The following ROBO1 variants were observed in gnomAD, a reference collection of about 807,000 sequenced individuals.
The protein encoded by ROBO1 is roundabout guidance receptor 1.
In ROBO1, 149 loss-of-function variants were observed where a neutral mutation model predicts 195.9. That is an observed-to-expected ratio of 0.76 (90% CI 0.67 to 0.87). The LOEUF (loss-of-function observed/expected upper bound fraction) is 0.87. ROBO1 is among the 40% of genes least tolerant of loss of function. The probability of loss-of-function intolerance (pLI) is 0.00; values close to 1 mark genes in which losing one functional copy is unlikely to be tolerated. For missense variants in ROBO1, 1,933 were observed against 2,068.3 expected (o/e 0.93, Z 1.27); for synonymous variants, 816 against 733.2 (o/e 1.11, Z -1.82).
chr3:79,200,399 T>C (rs368932163), intron 2 of ROBO1, among the ~76,000 whole-genome samples: 204 of 151,924 alleles, frequency 1.3e-3, no homozygotes, highest in Non-Finnish European at 2.4e-3. Flanking sequence ...ATTTAGAGAA[T>C]TTCATTTCAG....
intron 7 of ROBO1, among the ~76,000 whole-genome samples, chr3:78,716,263 C>T (rs960466909): frequency 1.4e-4 from 21 of 151,782 alleles, no homozygotes; most frequent in African/African-American, 3.4e-4. Context: ...AAGAAATACC[C>T]GAAACTGGGT....
chr3:79,012,821 C>G (rs1443888396), intron 3 of ROBO1, among the ~76,000 whole-genome samples: 3 of 152,078 alleles, frequency 2.0e-5, no homozygotes, highest in African/African-American at 4.8e-5. Context: ...CAGTGGAGAT[C>G]AAAGCTATCT....
intron 2 of ROBO1, among the ~76,000 whole-genome samples, chr3:79,211,569 A>C (rs2081966340): frequency 6.6e-6 from 1 of 152,180 alleles, no homozygotes; most frequent in South Asian, 2.1e-4. Flanking sequence ...ACTAAGAGGG[A>C]AAACATTATT....
intron 2 of ROBO1, among the ~76,000 whole-genome samples, chr3:79,462,441 AT>A (rs1252055071): frequency 1.3e-5 from 2 of 152,232 alleles, no homozygotes; most frequent in East Asian, 3.8e-4. Flanking sequence ...ATTTTAAGAA[AT>A]CATTGTTTGC....
intron 5 of ROBO1, among the ~76,000 whole-genome samples, chr3:78,736,919 C>A (rs891253534): frequency 2.6e-5 from 4 of 152,090 alleles, no homozygotes; most frequent in Admixed American, 6.6e-5. Context: ...CTTTCTTAAC[C>A]AGTACTTTGC....
intron 3 of ROBO1, among the ~76,000 whole-genome samples, chr3:78,952,814 T>C (rs1361408633): frequency 6.6e-6 from 1 of 152,072 alleles, no homozygotes; most frequent in African/African-American, 2.4e-5. Flanking sequence ...TCAGCTACTT[T>C]ATTTTATTCT....
At chr3:78,617,591 A>C in intron 27 of ROBO1, 44 bp downstream of exon 27, 1 of 1,550,554 alleles carries the variant, frequency 6.4e-7, no homozygotes, top group Middle Eastern at 1.8e-4. Flanking sequence ...ACATATATAC[A>C]TTGAGTTTTC....
In ROBO1 at chr3:78,746,735, A is replaced by G. The variant is rs2082666467; in HGVS notation, c.657+8T>C. The G allele has an allele frequency of 6.8e-7, 1 of 1,475,992 alleles. No homozygotes were observed. The highest frequency in any genetic ancestry group is 1.4e-5 in the African/African-American group (1 of 71,838). 91.4% of individuals were successfully genotyped at this position (1,475,992 alleles called of 1,614,324 possible). On this transcript the variant is annotated splice_region_variant and intron_variant, in intron 5 of 30. Coordinates refer to ENST00000464233, the MANE Select transcript of ROBO1 (RefSeq NM_002941.4). ...CAAATGTCCTCTGCTGTTGAATTAA[A>G]TACTCACAGTTATTCTTTCATCTTT...
chr3:78,752,404 T>G (rs989003265), intron 4 of ROBO1, among the ~76,000 whole-genome samples: 1 of 152,120 alleles, frequency 6.6e-6, no homozygotes, highest in African/African-American at 2.4e-5. Flanking sequence ...AACATTAATA[T>G]TCACCTTTTT....
chr3:79,283,758 C>T (rs1042438062), intron 2 of ROBO1, among the ~76,000 whole-genome samples: 2 of 148,940 alleles, frequency 1.3e-5, no homozygotes, highest in Non-Finnish European at 1.5e-5. Context: ...AGTGCAGTGG[C>T]GCGATCTCCG....
chr3:78,673,996 G>T (rs971231823), intron 10 of ROBO1, among the ~76,000 whole-genome samples: 2 of 152,024 alleles, frequency 1.3e-5, no homozygotes, highest in Admixed American at 6.6e-5. Context: ...CAAGTGACTT[G>T]TCCAAATCAA....
At chr3:79,571,827 T>A (rs1447884940) in intron 2 of ROBO1, among the ~76,000 whole-genome samples, 1 of 152,124 alleles carries the variant, frequency 6.6e-6, no homozygotes, top group Non-Finnish European at 1.5e-5. Context: ...AGCACTATAG[T>A]ATCTACAGAC....
intron 2 of ROBO1, among the ~76,000 whole-genome samples, chr3:79,567,233 C>T (rs2107732516): frequency 6.6e-6 from 1 of 152,178 alleles, no homozygotes; most frequent in East Asian, 1.9e-4. Flanking sequence ...AGGGAAACAA[C>T]CCACACTGGT....
intron 3 of ROBO1, among the ~76,000 whole-genome samples, chr3:78,992,743 T>TA (rs1416769257): frequency 2.6e-5 from 4 of 151,922 alleles, no homozygotes; most frequent in Non-Finnish European, 5.9e-5. Flanking sequence ...CCAAGACAAG[T>TA]AAAAAAAGAG....
intron 1 of ROBO1, among the ~76,000 whole-genome samples, chr3:79,755,522 T>A (rs550976004): frequency 5.9e-5 from 9 of 152,236 alleles, no homozygotes; most frequent in Non-Finnish European, 1.2e-4. Flanking sequence ...CAGGGAGGGT[T>A]TTAAGTACCC....
intron 3 of ROBO1, among the ~76,000 whole-genome samples, chr3:79,076,360 A>T (rs1024390916): frequency 6.7e-6 from 1 of 150,244 alleles, no homozygotes; most frequent in Non-Finnish European, 1.5e-5. Flanking sequence ...ACCATTAAAT[A>T]CAAACTATTT....
intron 1 of ROBO1, among the ~76,000 whole-genome samples, chr3:79,741,008 C>T (rs139204940): frequency 2.0e-5 from 3 of 152,238 alleles, no homozygotes; most frequent in Non-Finnish European, 4.4e-5. Flanking sequence ...ATTGTTCAGT[C>T]AAAAGTGAAA....
chr3:78,972,075 T>G (rs919551321), intron 3 of ROBO1, among the ~76,000 whole-genome samples: 12 of 152,218 alleles, frequency 7.9e-5, no homozygotes, highest in African/African-American at 2.9e-4. Context: ...CTTAAATCTT[T>G]TAAAATATCT....
At chr3:78,619,203 A>T (rs1053285675) in intron 26 of ROBO1, among the ~76,000 whole-genome samples, 1 of 151,782 alleles carries the variant, frequency 6.6e-6, no homozygotes, top group African/African-American at 2.4e-5. Flanking sequence ...CAAATTTTGC[A>T]CTCCTGAGAA....
Sources: gnomAD v4.1 joint callset for allele counts (sites outside exome capture counted in the v4.1 genomes callset) on GRCh38, gnomAD v4.1.1 for gene constraint, MANE v1.5 for transcripts, NCBI Gene and HGNC (gene_info 2026-07-23, HGNC 2026-07-21) for gene names.